The following ERMAP variants were observed in gnomAD, a reference collection of about 807,000 sequenced individuals.
ERMAP encodes erythroblast membrane associated protein (Scianna blood group).
ERMAP carries 34 observed loss-of-function variants against 49.5 expected under a neutral mutation model. The observed-to-expected ratio is 0.69, with a 90% CI of 0.52 to 0.91. ERMAP has a LOEUF of 0.91. ERMAP is among the 40% of genes least tolerant of loss of function. ERMAP has a pLI of 0.00. For synonymous variants in ERMAP, 214 were observed against 232.2 expected, an observed-to-expected ratio of 0.92 and a Z score of 0.71; for missense variants, 541 against 582.6, an observed-to-expected ratio of 0.93 and a Z score of 0.74.
chr1:42,826,615 T>TG (rs748283471), intron 2 of ERMAP, among the ~76,000 whole-genome samples: 17 of 152,058 alleles, frequency 1.1e-4, no homozygotes, highest in Non-Finnish European at 2.2e-4. Context: ...CCCAACACTT[T>TG]GGGGGGCCGA....
chr1:42,830,378 G>C, intron 2 of ERMAP, 66 bp from the exon 3 acceptor site: 1 of 1,445,064 alleles, frequency 6.9e-7, no homozygotes. Flanking sequence ...CTCGGCTCCT[G>C]GGTTATACCC....
At chr1:42,839,970 T>G in intron 8 of ERMAP, 63 bp from the exon 9 acceptor site, 2 of 1,502,266 alleles carry the variant, frequency 1.3e-6, no homozygotes, top group Non-Finnish European at 1.8e-6. Context: ...GACTGTAGCA[T>G]TATGGGAGGG....
intron 11 of ERMAP, among the ~76,000 whole-genome samples, chr1:42,840,638 T>C (rs371099726): frequency 9.9e-5 from 15 of 152,238 alleles, no homozygotes; most frequent in African/African-American, 3.6e-4. Context: ...TTTTTTGATT[T>C]GTGAAGACTC....
chr1:42,838,854 G>A (rs746181079), intron 7 of ERMAP, 47 bp from the exon 8 acceptor site: 1 of 1,611,374 alleles, frequency 6.2e-7, no homozygotes, highest in Non-Finnish European at 8.5e-7. Context: ...TGAGGAAAAA[G>A]AGGCAGGATC....
At position 42,843,248 on chromosome 1, in the gene ERMAP, C is replaced by T. The variant is rs376639873; in HGVS notation, c.*16C>T. On this transcript the variant is annotated 3_prime_UTR_variant, in exon 12 of 12. Transcript: ENST00000372517. Reference sequence around the variant, plus strand: ...TTCTTTTTAGGGATATGCCACATTACCTGCTCCCATCACCATCCAGCCCAG... The same window carrying T: ...TTCTTTTTAGGGATATGCCACATTATCTGCTCCCATCACCATCCAGCCCAG... 1 of 1,539,210 alleles carries T rather than the reference C, an allele frequency of 6.5e-7. No individual in the cohort carries two copies. The highest frequency in any genetic ancestry group is 8.8e-7 in the Non-Finnish European group (1 of 1,142,350).
At chr1:42,822,329 G>A (rs13374807) in intron 1 of ERMAP, among the ~76,000 whole-genome samples, 1,906 of 151,998 alleles carry the variant, frequency 0.013, 35 homozygotes, top group African/African-American at 0.044. Context: ...GATTATAAGC[G>A]TGTGCCACCA....
At chr1:42,840,457 G>A (rs11210729) in intron 11 of ERMAP, among the ~76,000 whole-genome samples, 161 bp downstream of exon 11, 24,230 of 151,884 alleles carry the variant, frequency 0.16, 2,131 homozygotes, top group Admixed American at 0.26. Flanking sequence ...CTTTGTGATC[G>A]ATCTTGAGGT....
chr1:42,830,113 T>C (rs906022262), intron 2 of ERMAP: 10 of 273,262 alleles, frequency 3.7e-5, no homozygotes, highest in Non-Finnish European at 6.4e-5. Context: ...TTCTGGATCC[T>C]CACTCATCTC....
intron 4 of ERMAP, among the ~76,000 whole-genome samples, chr1:42,832,444 C>G (rs557660311): frequency 6.6e-6 from 1 of 152,044 alleles, no homozygotes; most frequent in Non-Finnish European, 1.5e-5. Flanking sequence ...CTGGGCTCAC[C>G]ACAACCTCCG....
chr1:42,818,439 AG>A (rs1335275091), intron 1 of ERMAP, among the ~76,000 whole-genome samples: 1 of 152,224 alleles, frequency 6.6e-6, no homozygotes, highest in East Asian at 1.9e-4. Flanking sequence ...AAGGTGAAAA[AG>A]TTCTAGAGAT....
chr1:42,826,707 T>C lies in ERMAP; in HGVS notation c.-6+969T>C, dbSNP rs1001133713. Among the ~76,000 whole-genome samples the C allele has an allele frequency of 7.2e-5, 11 of 151,980 alleles. 1 individual carries two copies. Among genetic ancestry groups the C allele is most frequent in the African/African-American group, 2.7e-4 (11 of 41,450 alleles). The stretch of plus-strand genomic sequence containing the variant: ...TCCGTCTCTACTAAAAATACAAAAA[T>C]TAGCTGGGCATGGTGGTGTGCGCCT... On this transcript the variant is annotated intron_variant, in intron 2 of 11. Coordinates refer to ENST00000372517, the MANE Select transcript of ERMAP (RefSeq NM_001017922.2).
Position 42,835,059 on chromosome 1 carries a change from C to T in ERMAP, c.455C>T (p.Ser152Phe), listed in dbSNP as rs1410889928. The change falls in exon 5 of 12, where the codon TCC (serine) becomes TTC (phenylalanine). Residue 152 changes from serine (S) to phenylalanine (F), a missense_variant. By Grantham distance (155) the Ser-to-Phe change is radical. Transcript: ENST00000372517. ...TCAGCCCCATCTGTGGGGAGTCTCT[C>T]CCCCTCAGCAGTGGCTCTGGCTGTG... is the stretch of plus-strand genomic sequence containing the variant. ...QVAAPSVGSL[S>F]PSAVALAVIL... 1.3e-6 allele frequency: 2 copies of T among 1,504,606 alleles called. No homozygotes were observed. Among genetic ancestry groups the T allele is most frequent in the Non-Finnish European group, 1.9e-6 (2 of 1,079,898 alleles). 93.2% of individuals were successfully genotyped at this position (1,504,606 alleles called of 1,614,324 possible). A position where few individuals can be genotyped will look rare whatever the true frequency, so the allele number is the denominator to read the frequency against.
At chr1:42,835,270 G>C in intron 5 of ERMAP, 116 bp downstream of exon 5, 2 of 689,426 alleles carry the variant, frequency 2.9e-6, no homozygotes, top group Non-Finnish European at 5.3e-6. Flanking sequence ...TGGGGACACT[G>C]CAAGTTGGCT....
At chr1:42,838,967 CTT>C in intron 8 of ERMAP, 46 bp downstream of exon 8, 1 of 1,614,122 alleles carries the variant, frequency 6.2e-7, no homozygotes, top group Non-Finnish European at 8.5e-7. Context: ...TCTGCTGACA[CTT>C]TTGCTTTGGG....
At chr1:42,824,148 TC>T (rs1234453871) in intron 1 of ERMAP, among the ~76,000 whole-genome samples, 2 of 151,406 alleles carry the variant, frequency 1.3e-5, no homozygotes, top group East Asian at 3.9e-4. Context: ...ATCAAGACCA[TC>T]CTGGCTAACA....
chr1:42,817,685 C>T (rs993428775), intron 1 of ERMAP: 1 of 152,436 alleles, frequency 6.6e-6, no homozygotes, highest in Admixed American at 6.5e-5. Context: ...AGTGAGATCC[C>T]GTTTGCCACA....
In ERMAP at chr1:42,830,492, T is replaced by C; in HGVS notation, c.44T>C (p.Leu15Pro). ...GCTGGCTCCTGGCTCTCTGGCTGCC[T>C]CATCCCTCTCGTCTTCCTCCGGCTG... ...SSAGSWLSGC[L>P]IPLVFLRLSV... Residue 15 changes from leucine (L) to proline (P), a missense_variant, in exon 3 of 12, where the codon CTC becomes CCC. Transcript: ENST00000372517. 1 of 1,614,182 alleles carries C rather than the reference T, an allele frequency of 6.2e-7. No individual in the cohort carries two copies. The highest frequency in any genetic ancestry group is 8.5e-7 in the Non-Finnish European group (1 of 1,180,008).
In ERMAP at chr1:42,842,899, A is replaced by G. The variant is rs749101556; in HGVS notation, c.1095A>G (p.Glu365=). 1 of 1,614,174 alleles carries G rather than the reference A, an allele frequency of 6.2e-7. No individual in the cohort carries two copies. The highest frequency in any genetic ancestry group is 8.5e-7 in the Non-Finnish European group (1 of 1,180,042). Residue 365 remains glutamate, a synonymous_variant, in exon 12 of 12, where the codon GAA becomes GAG. Transcript: ENST00000372517. Reference sequence around the variant, plus strand: ...GTGTGGGGATTTTCCTGGACTATGAAGCAGGAGTCATCTCTTTCTACAATG... The same window carrying G: ...GTGTGGGGATTTTCCTGGACTATGAGGCAGGAGTCATCTCTTTCTACAATG... ...PRCVGIFLDY[E]AGVISFYNVT...
At position 42,840,071 on chromosome 1, in the gene ERMAP, T is replaced by C; in HGVS notation, c.658+18T>C. Reference sequence around the variant, plus strand: ...TGAACTGAGTAAGTTTCCCATGTTCTTGTAACTTCCGTACCAACTTATCTC... The same window carrying C: ...TGAACTGAGTAAGTTTCCCATGTTCCTGTAACTTCCGTACCAACTTATCTC... On this transcript the variant is annotated intron_variant, in intron 9 of 11. Coordinates refer to ENST00000372517, the MANE Select transcript of ERMAP (RefSeq NM_001017922.2). 1 of 1,614,212 alleles carries C rather than the reference T, an allele frequency of 6.2e-7. No individual in the cohort carries two copies. Among genetic ancestry groups the C allele is most frequent in the Non-Finnish European group, 8.5e-7 (1 of 1,180,020 alleles).
Sources: allele counts gnomAD v4.1 joint callset (sites outside exome capture counted in the v4.1 genomes callset), GRCh38; gene constraint gnomAD v4.1.1; transcripts MANE v1.5; gene names NCBI Gene and HGNC (gene_info 2026-07-23, HGNC 2026-07-21).